GABBR2: variants seen among roughly 807,000 people sequenced by gnomAD.
GABBR2 encodes G-protein coupled receptor 51.
Under a neutral mutation model 105.6 loss-of-function variants are expected in GABBR2, and 23 were observed. That is an observed-to-expected ratio of 0.22 (90% CI 0.16 to 0.31). GABBR2 has a LOEUF of 0.31. Among genes scored for constraint, GABBR2 ranks in the 10% least tolerant of loss-of-function variants. The pLI is 1.00. For missense variants in GABBR2, 734 were observed against 1,245.5 expected, an observed-to-expected ratio of 0.59 and a Z score of 6.18; for synonymous variants, 478 against 499.7, an observed-to-expected ratio of 0.96 and a Z score of 0.58.
In GABBR2 at chr9:98,538,560, G is replaced by A. The variant is rs922073171; in HGVS notation, c.630+3313C>T. The A allele has an allele frequency of 9.3e-6, 9 of 972,950 alleles. No individual in the cohort carries two copies. The African/African-American group carries it at 1.6e-4, about 17-fold the overall frequency. The allele number at this position is 972,950 out of a possible 1,614,324, so 60.3% of individuals were successfully genotyped here. A position where few individuals can be genotyped will look rare whatever the true frequency, so the allele number is the denominator to read the frequency against. Reference sequence around the variant, plus strand: ...CATGGGCTTACCTTGAAACTCAGAGGTTGGAGGTGCTCACAGGAGCAGCTG... The same window carrying A: ...CATGGGCTTACCTTGAAACTCAGAGATTGGAGGTGCTCACAGGAGCAGCTG... On this transcript the variant is annotated intron_variant, in intron 3 of 18. Coordinates refer to ENST00000259455, the MANE Select transcript of GABBR2 (RefSeq NM_005458.8).
chr9:98,473,021 A>T, intron 6 of GABBR2, 125 bp downstream of exon 6: 1 of 714,706 alleles, frequency 1.4e-6, no homozygotes, highest in Non-Finnish European at 2.4e-6. Context: ...CAAGAGGCTC[A>T]GAGAGGTCAA....
chr9:98,674,395 C>T (rs1167095688), intron 1 of GABBR2, among the ~76,000 whole-genome samples: 1 of 152,166 alleles, frequency 6.6e-6, no homozygotes, highest in Non-Finnish European at 1.5e-5. Flanking sequence ...GGATCCTTCA[C>T]CTTGTCCATT....
At position 98,708,710 on chromosome 9, in the gene GABBR2, G is replaced by A; in HGVS notation, c.28C>T (p.Pro10Ser). 1.0e-6 allele frequency: 1 copy of A among 997,140 alleles called. No individual in the cohort carries two copies. The highest frequency in any genetic ancestry group is 1.2e-6 in the Non-Finnish European group (1 of 839,874). The allele number at this position is 997,140 out of a possible 1,614,324, so 61.8% of individuals were successfully genotyped here. A position where few individuals can be genotyped will look rare whatever the true frequency, so the allele number is the denominator to read the frequency against. The stretch of plus-strand genomic sequence containing the variant: ...GGTGGCGGCGGCGGCGGCGGCCCGG[G>A]CTGCCCGGAGCTCCGCGGGGAAGCC... MASPRSSGQ[P>S]GPPPPPPPPP... The change falls in exon 1 of 19, where the codon CCC (proline) becomes TCC (serine). Residue 10 changes from proline (P) to serine (S), a missense_variant. Physicochemically the swap from Pro to Ser is moderately conservative, Grantham distance 74 (BLOSUM62 -1). Around this residue, in one of 7 missense-constraint regions of GABBR2, gnomAD observed 70 missense variants for 73.4 expected, o/e 0.95. Coordinates refer to ENST00000259455, the MANE Select transcript of GABBR2 (RefSeq NM_005458.8).
At position 98,323,640 on chromosome 9, in the gene GABBR2, G is replaced by C. The variant is rs113584491; in HGVS notation, c.1894-12435C>G. On this transcript the variant is annotated intron_variant, in intron 13 of 18. Coordinates refer to ENST00000259455, the MANE Select transcript of GABBR2 (RefSeq NM_005458.8). The stretch of plus-strand genomic sequence containing the variant: ...CTGTCCAGCTCCAGTCCTCGTCCAG[G>C]CTGGCATCCCTCCCACCCAGGCCTT... Among the ~76,000 whole-genome samples, 543 of 152,328 alleles carry C rather than the reference G, an allele frequency of 3.6e-3. 3 individuals are homozygous for C. The highest frequency in any genetic ancestry group is 0.012 in the African/African-American group (519 of 41,582).
intron 2 of GABBR2, among the ~76,000 whole-genome samples, chr9:98,568,023 G>A (rs1017326978): frequency 1.3e-5 from 2 of 152,212 alleles, no homozygotes; most frequent in African/African-American, 4.8e-5. Context: ...TGGATGGATG[G>A]ATGAATGAGT....
At chr9:98,702,427 A>T (rs1012229006) in intron 1 of GABBR2, among the ~76,000 whole-genome samples, 1 of 151,996 alleles carries the variant, frequency 6.6e-6, no homozygotes, top group Non-Finnish European at 1.5e-5. Context: ...GTAGCTTCCC[A>T]GCCCCTCCGA....
intron 6 of GABBR2, among the ~76,000 whole-genome samples, chr9:98,466,731 A>G (rs1588176489): frequency 6.6e-6 from 1 of 152,378 alleles, no homozygotes; most frequent in East Asian, 1.9e-4. Context: ...GACTTGCACA[A>G]CATCACTGTA....
At chr9:98,589,829 C>T (rs1829122795) in intron 1 of GABBR2, among the ~76,000 whole-genome samples, 1 of 151,894 alleles carries the variant, frequency 6.6e-6, no homozygotes, top group African/African-American at 2.4e-5. Context: ...ATCCTCCCAC[C>T]TCAGCCTCCT....
chr9:98,473,808 G>A (rs756969542), intron 5 of GABBR2, among the ~76,000 whole-genome samples: 1 of 152,140 alleles, frequency 6.6e-6, no homozygotes, highest in East Asian at 1.9e-4. Flanking sequence ...TGTCCCATAT[G>A]GAGAGGATAC....
At chr9:98,316,372 G>A (rs1373759613) in intron 13 of GABBR2, among the ~76,000 whole-genome samples, 1 of 152,062 alleles carries the variant, frequency 6.6e-6, no homozygotes, top group East Asian at 1.9e-4. Context: ...GACTGGTCTC[G>A]AACTCCCAAC....
intron 13 of GABBR2, among the ~76,000 whole-genome samples, chr9:98,350,764 C>A (rs532222921): frequency 5.9e-5 from 9 of 152,266 alleles, no homozygotes; most frequent in African/African-American, 2.2e-4. Flanking sequence ...ATTTGGTCTA[C>A]AATGTACATT....
At chr9:98,326,153 G>A (rs1449159665) in intron 13 of GABBR2, among the ~76,000 whole-genome samples, 1 of 152,164 alleles carries the variant, frequency 6.6e-6, no homozygotes, top group Non-Finnish European at 1.5e-5. Context: ...AGATGGGGCC[G>A]GGGGAATAAG....
intron 7 of GABBR2, among the ~76,000 whole-genome samples, chr9:98,414,736 C>T (rs1832656744): frequency 6.6e-6 from 1 of 151,746 alleles, no homozygotes; most frequent in Admixed American, 6.6e-5. Context: ...ATGTGACAGT[C>T]CTACCAATGG....
At chr9:98,588,529 C>T (rs1353660140) in intron 1 of GABBR2, among the ~76,000 whole-genome samples, 1 of 152,202 alleles carries the variant, frequency 6.6e-6, no homozygotes, top group African/African-American at 2.4e-5. Flanking sequence ...ATCCTCCCAA[C>T]AACCCTATGA....
chr9:98,584,378 G>T (rs903740696), intron 1 of GABBR2, among the ~76,000 whole-genome samples: 1 of 152,080 alleles, frequency 6.6e-6, no homozygotes, highest in African/African-American at 2.4e-5. Flanking sequence ...TCTGGTATTT[G>T]TTATTACCTT....
chr9:98,582,086 A>C (rs1829011364), intron 1 of GABBR2, among the ~76,000 whole-genome samples: 1 of 152,066 alleles, frequency 6.6e-6, no homozygotes, highest in African/African-American at 2.4e-5. Context: ...ATTGACCTTC[A>C]CCCCTTGGAA....
intron 3 of GABBR2, among the ~76,000 whole-genome samples, chr9:98,501,948 C>G (rs969235816): frequency 6.6e-6 from 1 of 152,104 alleles, no homozygotes; most frequent in Non-Finnish European, 1.5e-5. Context: ...CAGAGACGAG[C>G]GCGTCTGCCC....
chr9:98,707,644 A>C (rs1830914729), intron 1 of GABBR2, among the ~76,000 whole-genome samples: 1 of 152,236 alleles, frequency 6.6e-6, no homozygotes, highest in Non-Finnish European at 1.5e-5. Context: ...GGATGCTTCA[A>C]GCCTGAGCCG....
chr9:98,664,464 C>T (rs1830308011), intron 1 of GABBR2, among the ~76,000 whole-genome samples: 1 of 152,194 alleles, frequency 6.6e-6, no homozygotes, highest in South Asian at 2.1e-4. Flanking sequence ...CGATATGTGG[C>T]CACCAAGTTG....
Sources: gnomAD v4.1 joint callset for allele counts (sites outside exome capture counted in the v4.1 genomes callset) on GRCh38, gnomAD v4.1.1 for gene constraint, gnomAD v4.1.1 regional missense constraint, MANE v1.5 for transcripts, NCBI Gene and HGNC (gene_info 2026-07-23, HGNC 2026-07-21) for gene names.